BMPR1B: variants seen among roughly 807,000 people sequenced by gnomAD.
The protein encoded by BMPR1B is bone morphogenetic protein receptor type-1B.
BMPR1B carries 12 observed loss-of-function variants against 59.1 expected under a neutral mutation model. The ratio of observed to expected loss-of-function variants is 0.20; its 90% CI spans 0.13 to 0.33. The LOEUF is 0.33. BMPR1B is among the 10% of genes least tolerant of loss of function. The pLI is 1.00. For missense variants in BMPR1B, 550 were observed against 610.9 expected, an observed-to-expected ratio of 0.90 and a Z score of 1.05; for synonymous variants, 237 against 207.3, an observed-to-expected ratio of 1.14 and a Z score of -1.23.
intron 3 of BMPR1B, 66 bp from the exon 4 acceptor site, chr4:95,104,342 C>T (rs775365371): frequency 2.7e-5 from 42 of 1,528,508 alleles, no homozygotes; most frequent in African/African-American, 4.1e-5. Flanking sequence ...CTCATGTTTT[C>T]GTTTGAACAG....
intron 2 of BMPR1B, among the ~76,000 whole-genome samples, chr4:94,928,364 T>G (rs757438006): frequency 1.3e-5 from 2 of 151,980 alleles, no homozygotes; most frequent in Non-Finnish European, 2.9e-5. Context: ...CGAATGGGTG[T>G]GTGTAGTTCT....
intron 2 of BMPR1B, among the ~76,000 whole-genome samples, chr4:94,949,245 T>C (rs1179069085): frequency 6.6e-6 from 1 of 151,858 alleles, no homozygotes; most frequent in Admixed American, 6.6e-5. Context: ...GTCCCTGTGT[T>C]AGTTTGCTGA....
At chr4:94,772,798 C>T (rs1432552637) in intron 1 of BMPR1B, among the ~76,000 whole-genome samples, 1 of 152,014 alleles carries the variant, frequency 6.6e-6, no homozygotes, top group Admixed American at 6.6e-5. Context: ...ACGATGTGAC[C>T]TCTGTTCTGC....
chr4:95,068,201 C>T (rs895067038), intron 3 of BMPR1B, among the ~76,000 whole-genome samples: 3 of 148,892 alleles, frequency 2.0e-5, no homozygotes, highest in African/African-American at 7.4e-5. Flanking sequence ...GTGGCTGGCT[C>T]TTGAGAAGAA....
chr4:95,068,831 C>A (rs1216353966), intron 3 of BMPR1B, among the ~76,000 whole-genome samples: 2 of 152,192 alleles, frequency 1.3e-5, no homozygotes, highest in Non-Finnish European at 2.9e-5. Flanking sequence ...TTAGGCTTTA[C>A]TTTCCTGAGG....
Position 95,071,650 on chromosome 4 carries a change from G to GTATA in BMPR1B, c.-17-32757_-17-32756insATAT, listed in dbSNP as rs1459082558. ...TGTGTGTTTGTGTGTGTGTGTGTGT[G>GTATA]TGTATATATATATATATATATATAT... On this transcript the variant is annotated intron_variant, in intron 3 of 12. Transcript: ENST00000515059. Among the ~76,000 whole-genome samples the GTATA allele has an allele frequency of 6.4e-3, 502 of 78,410 alleles. 2 individuals carry two copies. Among genetic ancestry groups the GTATA allele is most frequent in the African/African-American group, 0.01 (240 of 23,628 alleles). The allele number at this position is 78,410 out of a possible 152,430, so 51.4% of individuals were successfully genotyped here.
chr4:94,853,276 A>G (rs1235307183), intron 1 of BMPR1B, among the ~76,000 whole-genome samples: 1 of 152,286 alleles, frequency 6.6e-6, no homozygotes, highest in African/African-American at 2.4e-5. Flanking sequence ...TTGAAGCTTG[A>G]CCTTTATGTG....
At chr4:95,129,198 A>C (rs982707291) in intron 8 of BMPR1B, among the ~76,000 whole-genome samples, 1 of 152,138 alleles carries the variant, frequency 6.6e-6, no homozygotes, top group African/African-American at 2.4e-5. Flanking sequence ...CATGCTACCA[A>C]CCCATAGCAA....
intron 3 of BMPR1B, among the ~76,000 whole-genome samples, chr4:95,058,883 A>C (rs922480236): frequency 3.9e-5 from 6 of 152,192 alleles, no homozygotes; most frequent in Non-Finnish European, 8.8e-5. Context: ...AATTTTAATG[A>C]TTATGCACTT....
At chr4:95,134,190 A>G (rs1157834609) in intron 10 of BMPR1B, among the ~76,000 whole-genome samples, 2 of 152,166 alleles carry the variant, frequency 1.3e-5, no homozygotes, top group Non-Finnish European at 2.9e-5. Context: ...TGTCCCTACA[A>G]AGAATATGAA....
chr4:94,848,176 T>G (rs1725414725), intron 1 of BMPR1B, among the ~76,000 whole-genome samples: 1 of 120,604 alleles, frequency 8.3e-6, no homozygotes, highest in Non-Finnish European at 1.7e-5. Flanking sequence ...AATCTTAGGA[T>G]TTTATTAGGA....
chr4:95,135,970 G>T (rs935316353), intron 10 of BMPR1B, among the ~76,000 whole-genome samples: 1 of 152,176 alleles, frequency 6.6e-6, no homozygotes, highest in Non-Finnish European at 1.5e-5. Flanking sequence ...TCCAGTGTTT[G>T]CCCATTCAGT....
chr4:95,064,594 C>G (rs1253830442), intron 3 of BMPR1B, among the ~76,000 whole-genome samples: 1 of 152,052 alleles, frequency 6.6e-6, no homozygotes, highest in Non-Finnish European at 1.5e-5. Context: ...AGTGAAAAGA[C>G]AGTCCACATA....
chr4:94,779,478 C>A (rs974605143), intron 1 of BMPR1B, among the ~76,000 whole-genome samples: 1 of 152,102 alleles, frequency 6.6e-6, no homozygotes, highest in African/African-American at 2.4e-5. Flanking sequence ...GGGTCTAAAT[C>A]TAACATCACT....
At chr4:95,069,976 G>C (rs1328032755) in intron 3 of BMPR1B, among the ~76,000 whole-genome samples, 1 of 152,216 alleles carries the variant, frequency 6.6e-6, no homozygotes, top group African/African-American at 2.4e-5. Flanking sequence ...GCACATGCCT[G>C]TAATCCCAGC....
intron 3 of BMPR1B, among the ~76,000 whole-genome samples, chr4:95,066,953 G>A (rs1363449726): frequency 6.6e-6 from 1 of 152,140 alleles, no homozygotes; most frequent in Non-Finnish European, 1.5e-5. Context: ...TTTTATTTAG[G>A]TAATAGAGTC....
chr4:94,866,346 T>C lies in BMPR1B; in HGVS notation c.-182-9485T>C, dbSNP rs532367311. ...TTTCCATATATTGATACTGCCTTTC[T>C]TCCTTTCACAGTGTAAGGATCTTCC... On this transcript the variant is annotated intron_variant, in intron 1 of 12. Transcript: ENST00000515059. 2.6e-5 allele frequency among the ~76,000 whole-genome samples: 4 copies of C among 152,292 alleles called. No homozygotes were observed. The South Asian group carries it at 8.3e-4, about 32-fold the overall frequency.
chr4:95,041,022 A>G (rs1292614183), intron 3 of BMPR1B, among the ~76,000 whole-genome samples: 1 of 152,196 alleles, frequency 6.6e-6, no homozygotes, highest in Non-Finnish European at 1.5e-5. Flanking sequence ...TTAGTTGATT[A>G]GAAAGGTCTT....
At chr4:95,100,915 T>C (rs1579078996) in intron 3 of BMPR1B, among the ~76,000 whole-genome samples, 1 of 152,246 alleles carries the variant, frequency 6.6e-6, no homozygotes, top group African/African-American at 2.4e-5. Flanking sequence ...GTCTTTACTT[T>C]CTTTAATATA....
Sources: allele counts gnomAD v4.1 joint callset (sites outside exome capture counted in the v4.1 genomes callset), GRCh38; gene constraint gnomAD v4.1.1; transcripts MANE v1.5; gene names NCBI Gene and HGNC (gene_info 2026-07-23, HGNC 2026-07-21).